The following LINGO2 variants were observed in gnomAD, a reference collection of about 807,000 sequenced individuals.
LINGO2 encodes leucine-rich repeat and immunoglobulin-like domain-containing nogo receptor-interacting protein 2.
In LINGO2, 14 loss-of-function variants were observed where a neutral mutation model predicts 30.6. That is an observed-to-expected ratio of 0.46 (90% confidence interval 0.30 to 0.72). The LOEUF (loss-of-function observed/expected upper bound fraction) is 0.72. Ranked by LOEUF, LINGO2 falls within the 30% of genes least tolerant of loss-of-function variation. The pLI, the probability that LINGO2 is intolerant of heterozygous loss-of-function variation, is 0.07. For synonymous variants in LINGO2, 317 were observed against 288.5 expected (o/e 1.10, Z -1.00); for missense variants, 729 against 751.7 (o/e 0.97, Z 0.35).
intron 4 of LINGO2, among the ~76,000 whole-genome samples, chr9:28,251,298 A>G (rs1429652856): frequency 6.6e-6 from 1 of 152,114 alleles, no homozygotes; most frequent in Non-Finnish European, 1.5e-5. Context: ...TAGTTCCCTT[A>G]TCTCTCAGCT....
chr9:28,064,938 G>A (rs1284581651), intron 4 of LINGO2, among the ~76,000 whole-genome samples: 2 of 151,460 alleles, frequency 1.3e-5, no homozygotes, highest in African/African-American at 2.4e-5. Flanking sequence ...CTGTGAACGT[G>A]TTAAATAGTG....
chr9:28,759,981 G>T, the LINGO2 span, among the ~76,000 whole-genome samples: 1 of 152,030 alleles, frequency 6.6e-6, no homozygotes. Context: ...TTTAGAGTGT[G>T]TCATGTGCTA....
the LINGO2 span, among the ~76,000 whole-genome samples, chr9:28,738,194 C>G: frequency 4.3e-4 from 66 of 152,250 alleles, 1 homozygote; most frequent in Middle Eastern, 6.8e-3. Context: ...TGTGAAACAA[C>G]TCCAGTCACC....
the LINGO2 span, among the ~76,000 whole-genome samples, chr9:29,006,938 G>C: frequency 1.8e-3 from 278 of 152,114 alleles, 1 homozygote; most frequent in African/African-American, 6.3e-3. Context: ...ATGGAAGCTG[G>C]GTACTGTAGA....
the LINGO2 span, among the ~76,000 whole-genome samples, chr9:28,784,458 C>T: frequency 5.9e-5 from 9 of 152,112 alleles, no homozygotes; most frequent in East Asian, 1.9e-4. Flanking sequence ...TTAAACTAGA[C>T]GACCTAATTT....
chr9:29,110,379 C>A, the LINGO2 span, among the ~76,000 whole-genome samples: 2 of 152,162 alleles, frequency 1.3e-5, no homozygotes, highest in African/African-American at 4.8e-5. Flanking sequence ...GTCGCCCAGG[C>A]TGGAGTGCAG....
At chr9:28,788,561 T>C in the LINGO2 span, among the ~76,000 whole-genome samples, 1 of 152,186 alleles carries the variant, frequency 6.6e-6, no homozygotes, top group Non-Finnish European at 1.5e-5. Flanking sequence ...CTGGGTAATT[T>C]ATAAAGGAAA....
rs200784190 is a variant in LINGO2, at chr9:28,048,920, TCC to T, written c.-86-36517_-86-36516del. ...GTTTATGCACATAGAACAAATTCTATCCCGAGTGTAACAAAGCAAATGCATGT... is the reference window on the plus strand; with the variant it reads ...GTTTATGCACATAGAACAAATTCTATCGAGTGTAACAAAGCAAATGCATGT... On this transcript the variant is annotated intron_variant, in intron 4 of 5. Coordinates refer to ENST00000379992, the Ensembl canonical transcript of LINGO2. 8.9e-3 allele frequency among the ~76,000 whole-genome samples: 1,351 copies of T among 150,958 alleles called. 80 individuals carry two copies. Among genetic ancestry groups the T allele is most frequent in the African/African-American group, 0.032 (1,297 of 40,904 alleles).
chr9:29,155,252 C>T, the LINGO2 span, among the ~76,000 whole-genome samples: 2 of 152,048 alleles, frequency 1.3e-5, no homozygotes, highest in African/African-American at 4.8e-5. Context: ...TTCCTTGGAG[C>T]TAGGAATATG....
intron 1 of LINGO2, among the ~76,000 whole-genome samples, chr9:28,577,008 C>T (rs2135627407): frequency 6.6e-6 from 1 of 152,250 alleles, no homozygotes; most frequent in Non-Finnish European, 1.5e-5. Context: ...TCCATCTTGC[C>T]TTTAACCCCC....
the LINGO2 span, among the ~76,000 whole-genome samples, chr9:28,900,785 C>T: frequency 6.6e-6 from 1 of 152,106 alleles, no homozygotes; most frequent in Non-Finnish European, 1.5e-5. Context: ...ATCAGAGAAA[C>T]ATGACATACC....
At chr9:28,884,622 G>A in the LINGO2 span, among the ~76,000 whole-genome samples, 4 of 149,600 alleles carry the variant, frequency 2.7e-5, no homozygotes, top group Non-Finnish European at 5.9e-5. Context: ...GTGTTTAAAA[G>A]TTTATACATA....
chr9:28,419,574 T>C (rs995041628), intron 2 of LINGO2, among the ~76,000 whole-genome samples: 2 of 147,738 alleles, frequency 1.4e-5, no homozygotes, highest in African/African-American at 5.0e-5. Context: ...CAATCTCCTA[T>C]AAGAACAAAG....
intron 4 of LINGO2, among the ~76,000 whole-genome samples, chr9:28,086,213 A>C (rs1279414127): frequency 6.6e-6 from 1 of 152,076 alleles, no homozygotes; most frequent in Non-Finnish European, 1.5e-5. Flanking sequence ...CTATAAAAAA[A>C]TCCACACGTC....
chr9:28,333,517 T>C (rs760581023), intron 3 of LINGO2, among the ~76,000 whole-genome samples: 16 of 152,314 alleles, frequency 1.1e-4, no homozygotes, highest in Non-Finnish European at 1.5e-4. Context: ...TAAGGGAAGA[T>C]ACATTTTTCT....
At chr9:28,252,188 T>C (rs1822224925) in intron 4 of LINGO2, among the ~76,000 whole-genome samples, 1 of 152,182 alleles carries the variant, frequency 6.6e-6, no homozygotes, top group African/African-American at 2.4e-5. Context: ...CAAAGATCAT[T>C]ACATAAATGG....
At chr9:28,174,496 TAC>T (rs1828687885) in intron 4 of LINGO2, among the ~76,000 whole-genome samples, 2 of 151,928 alleles carry the variant, frequency 1.3e-5, no homozygotes, top group African/African-American at 4.8e-5. Context: ...GACATACAGG[TAC>T]ACACACACAA....
At chr9:28,880,353 C>T in the LINGO2 span, among the ~76,000 whole-genome samples, 3 of 152,188 alleles carry the variant, frequency 2.0e-5, no homozygotes, top group African/African-American at 7.2e-5. Context: ...GCCACTTTGA[C>T]CCAACCTGGA....
At chr9:28,694,036 A>G in the LINGO2 span, among the ~76,000 whole-genome samples, 1 of 151,966 alleles carries the variant, frequency 6.6e-6, no homozygotes, top group African/African-American at 2.4e-5. Context: ...GTTAGTGAAA[A>G]AATAAGCTCA....
Sources: gnomAD v4.1 joint callset for allele counts (sites outside exome capture counted in the v4.1 genomes callset) on GRCh38, gnomAD v4.1.1 for gene constraint, MANE v1.5 for transcripts, NCBI Gene and HGNC (gene_info 2026-07-23, HGNC 2026-07-21) for gene names.